The following APOBEC3F variants were observed in gnomAD, a reference collection of about 807,000 sequenced individuals.
APOBEC3F encodes apolipoprotein B mRNA editing enzyme catalytic subunit 3F, also known as DNA dC->dU-editing enzyme APOBEC-3F.
A neutral mutation model predicts 45.8 loss-of-function variants in APOBEC3F; 34 were observed. The ratio of observed to expected loss-of-function variants is 0.74; its 90% CI spans 0.57 to 0.99. The LOEUF (loss-of-function observed/expected upper bound fraction) is 0.99. Ranked by LOEUF, APOBEC3F falls within the 50% of genes least tolerant of loss-of-function variation. The probability of loss-of-function intolerance (pLI) is 0.00; values close to 1 mark genes in which losing one functional copy is unlikely to be tolerated. For synonymous variants in APOBEC3F, 192 were observed against 174.4 expected (o/e 1.10, Z -0.80); for missense variants, 459 against 474.1 (o/e 0.97, Z 0.30).
intron 6 of APOBEC3F, 81 bp downstream of exon 6, chr22:39,052,434 G>C (rs1296846563): frequency 3.4e-5 from 54 of 1,585,636 alleles, no homozygotes; most frequent in Non-Finnish European, 4.6e-5. Context: ...CCGTGGGGCG[G>C]GGCAGTGTCC....
chr22:39,041,203 G>C (rs1459370998), intron 1 of APOBEC3F, among the ~76,000 whole-genome samples: 1 of 151,872 alleles, frequency 6.6e-6, no homozygotes, highest in East Asian at 1.9e-4. Context: ...CAGCCCAGGT[G>C]CCCTGCTGAG....
rs781586211 is a variant in APOBEC3F, at chr22:39,044,954, C to T, written c.185C>T (p.Pro62Leu). 1.5e-5 allele frequency: 25 copies of T among 1,613,954 alleles called. No individual in the cohort carries two copies. The South Asian group carries it at 2.4e-4, about 16-fold the overall frequency. Residue 62 changes from proline (P) to leucine (L), a missense_variant, in exon 3 of 7, where the codon CCT becomes CTT. Pro to Leu is a moderately conservative substitution (Grantham distance 98, BLOSUM62 -3). Transcript: ENST00000308521. ...KIFRGQVYSQ[P>L]EHHAEMCFLS... is the part of the protein sequence containing the mutation. ...CTCCTCTCCCAGGTGTATTCCCAGC[C>T]TGAGCACCACGCAGAAATGTGCTTC...
In APOBEC3F at chr22:39,045,034, T is replaced by A; in HGVS notation, c.265T>A (p.Trp89Arg). Residue 89 changes from tryptophan to arginine, a missense_variant, in exon 3 of 7, where the codon TGG becomes AGG. Transcript: ENST00000308521. ...TGCTTACAAGTGTTTCCAGATCACC[T>A]GGTTTGTATCCTGGACCCCCTGCCC... Reference protein sequence around the residue: ...LPAYKCFQITWFVSWTPCPDC... With the variant: ...LPAYKCFQITRFVSWTPCPDC... 6.2e-7 allele frequency: 1 copy of A among 1,614,032 alleles called. No individual in the cohort carries two copies. The highest frequency in any genetic ancestry group is 8.5e-7 in the Non-Finnish European group (1 of 1,179,992).
Position 39,053,171 on chromosome 22 carries a change from T to G in APOBEC3F, c.*476T>G, listed in dbSNP as rs1927580628. 6.6e-6 allele frequency: 1 copy of G among 152,194 alleles called. No homozygotes were observed. The highest frequency in any genetic ancestry group is 2.1e-4 in the South Asian group (1 of 4,842). The allele number at this position is 152,194 out of a possible 1,614,324, so 9.4% of individuals were successfully genotyped here. On this transcript the variant is annotated 3_prime_UTR_variant, in exon 7 of 7. Transcript: ENST00000308521. ...ACAGCTAACTTTTTTTTTTTTTGTA[T>G]TTTTAGTAGTGACTGGGTTTCACCA... is the stretch of plus-strand genomic sequence containing the variant.
chr22:39,044,065 G>T, intron 2 of APOBEC3F: 1 of 1,537,364 alleles, frequency 6.5e-7, no homozygotes, highest in Non-Finnish European at 8.8e-7. Context: ...AATGAGCGGT[G>T]TATGGTGTAT....
chr22:39,048,976 C>T (rs185274004), intron 4 of APOBEC3F, among the ~76,000 whole-genome samples: 2 of 146,290 alleles, frequency 1.4e-5, no homozygotes, highest in East Asian at 4.1e-4. Flanking sequence ...CAGAGGGAGA[C>T]TATGTCCCAA....
chr22:39,052,410 G>C, intron 6 of APOBEC3F, 57 bp downstream of exon 6: 3 of 1,601,658 alleles, frequency 1.9e-6, no homozygotes, highest in Non-Finnish European at 2.6e-6. Flanking sequence ...TGAGGGGCAG[G>C]TGTGTCTGCA....
chr22:39,045,395 A>G lies in APOBEC3F; in HGVS notation c.452-33A>G, dbSNP rs373667109. 3 of 1,613,886 alleles carry G rather than the reference A, an allele frequency of 1.9e-6. No individual in the cohort carries two copies. The African/African-American group carries it at 4.0e-5, about 22-fold the overall frequency. ...GGGAGCGCGGGCCCAGGGTCAGGGC[A>G]GAGCCTGACTGCTTCCTGCCTCTTC... On this transcript the variant is annotated intron_variant, in intron 3 of 6. Transcript: ENST00000308521.
chr22:39,044,325 A>T, intron 2 of APOBEC3F: 1 of 1,418,686 alleles, frequency 7.0e-7, no homozygotes, highest in Non-Finnish European at 9.2e-7. Context: ...AAAACTTCCA[A>T]ACGAAGGGAA....
intron 5 of APOBEC3F, 95 bp downstream of exon 5, chr22:39,049,676 G>A (rs957075164): frequency 8.1e-6 from 11 of 1,354,716 alleles, no homozygotes; most frequent in Non-Finnish European, 1.1e-5. Flanking sequence ...GGGCTTTCCT[G>A]TGTGTACTTT....
At position 39,045,051 on chromosome 22, in the gene APOBEC3F, C is replaced by G. The variant is rs756516830; in HGVS notation, c.282C>G (p.Thr94=). 1 of 1,613,888 alleles carries G rather than the reference C, an allele frequency of 6.2e-7. No homozygotes were observed. Among genetic ancestry groups the G allele is most frequent in the Non-Finnish European group, 8.5e-7 (1 of 1,179,946 alleles). Residue 94 remains threonine (T), a synonymous_variant, in exon 3 of 7, where the codon ACC becomes ACG. Transcript: ENST00000308521. ...CFQITWFVSW[T]PCPDCVAKLA... ...AGATCACCTGGTTTGTATCCTGGAC[C>G]CCCTGCCCGGACTGTGTGGCGAAGC...
intron 4 of APOBEC3F, among the ~76,000 whole-genome samples, chr22:39,046,450 C>A (rs558304435): frequency 6.6e-6 from 1 of 152,048 alleles, no homozygotes; most frequent in African/African-American, 2.4e-5. Flanking sequence ...CACAGCCCCT[C>A]CCTCCAGACC....
chr22:39,044,380 C>T, intron 2 of APOBEC3F: 1 of 1,384,112 alleles, frequency 7.2e-7, no homozygotes, highest in Non-Finnish European at 9.3e-7. Context: ...AACAGCAGGA[C>T]TGAGATGGGG....
At chr22:39,046,438 C>G (rs1409807205) in intron 4 of APOBEC3F, among the ~76,000 whole-genome samples, 1 of 152,048 alleles carries the variant, frequency 6.6e-6, no homozygotes, top group Non-Finnish European at 1.5e-5. Context: ...TGCCCTGACT[C>G]TCACAGCCCC....
At chr22:39,042,597 C>A (rs935144280) in intron 1 of APOBEC3F, among the ~76,000 whole-genome samples, 1 of 152,152 alleles carries the variant, frequency 6.6e-6, no homozygotes, top group South Asian at 2.1e-4. Context: ...CAGGCATGAG[C>A]CATAATGTCC....
At chr22:39,051,738 G>A (rs973297201) in intron 5 of APOBEC3F, among the ~76,000 whole-genome samples, 30 of 151,868 alleles carry the variant, frequency 2.0e-4, no homozygotes, top group Admixed American at 3.3e-4. Flanking sequence ...GATGGCTTGA[G>A]CCCAAGAGTT....
In APOBEC3F at chr22:39,049,518, CA is replaced by C; in HGVS notation, c.661del (p.Thr221ProfsTer5). ...GTCGGAACGAAAGCTGGCTGTGCTT[CA>C]CCATGGAAGTTGTAAAGCACCACTC... ...YGRNESWLCFTMEVVKHHSPV... is the reference protein window; with the variant it reads ...YGRNESWLCFXMEVVKHHSPV... On this transcript the variant is annotated frameshift_variant, in exon 5 of 7. Coordinates refer to ENST00000308521, the MANE Select transcript of APOBEC3F (RefSeq NM_145298.6). LOFTEE classifies it high-confidence loss of function. The C allele has an allele frequency of 1.9e-6, 3 of 1,614,070 alleles. No individual in the cohort carries two copies. The highest frequency in any genetic ancestry group is 2.5e-6 in the Non-Finnish European group (3 of 1,180,014).
rs371032051 is a variant in APOBEC3F at position 39,052,939 on chromosome 22, C to G, written c.*244C>G. ...ACCCACCAAGACCCTGTTCCCTGAG[C>G]CTGCATGCCCCTAACCTGCCTTTTC... On this transcript the variant is annotated 3_prime_UTR_variant, in exon 7 of 7. Transcript: ENST00000308521. The G allele has an allele frequency of 1.3e-4, 103 of 808,300 alleles. No individual in the cohort carries two copies. In the African/African-American group the frequency reaches 1.7e-3, roughly 13 times the overall value. The allele number at this position is 808,300 out of a possible 1,614,324, so 50.1% of individuals were successfully genotyped here.
At chr22:39,043,112 C>T (rs552984144) in intron 2 of APOBEC3F, 22 bp downstream of exon 2, 1 of 1,613,582 alleles carries the variant, frequency 6.2e-7, no homozygotes, top group South Asian at 1.1e-5. Context: ...ACTTCAATCA[C>T]TTTGCAGGCA....
Sources: gnomAD v4.1 joint callset for allele counts (sites outside exome capture counted in the v4.1 genomes callset) on GRCh38, gnomAD v4.1.1 for gene constraint, MANE v1.5 for transcripts, NCBI Gene and HGNC (gene_info 2026-07-23, HGNC 2026-07-21) for gene names.